The following CAMTA1 variants were observed in gnomAD, a reference collection of about 807,000 sequenced individuals.
The protein encoded by CAMTA1 is calmodulin binding transcription activator 1.
CAMTA1 carries 27 observed loss-of-function variants against 170.9 expected under a neutral mutation model. The observed-to-expected ratio is 0.16, with a 90% confidence interval of 0.12 to 0.22. The LOEUF is 0.22. Among genes scored for constraint, CAMTA1 ranks in the 10% least tolerant of loss-of-function variants. The pLI is 1.00. For missense variants in CAMTA1, 1,619 were observed against 2,217.2 expected, an observed-to-expected ratio of 0.73 and a Z score of 5.42; for synonymous variants, 833 against 891.5, an observed-to-expected ratio of 0.93 and a Z score of 1.17.
At chr1:7,150,545 A>C (rs1646512878) in intron 4 of CAMTA1, among the ~76,000 whole-genome samples, 1 of 151,982 alleles carries the variant, frequency 6.6e-6, no homozygotes, top group Non-Finnish European at 1.5e-5. Context: ...AGCATGTTGA[A>C]CAGCATCCCT....
At chr1:6,857,025 G>T (rs1662686575) in intron 3 of CAMTA1, among the ~76,000 whole-genome samples, 1 of 152,168 alleles carries the variant, frequency 6.6e-6, no homozygotes, top group African/African-American at 2.4e-5. Context: ...TCCCTGTGAA[G>T]GGTTGCCCGT....
In CAMTA1 at chr1:7,310,721, TC is replaced by T. The variant is rs1344335941; in HGVS notation, c.438+61096del. Among the ~76,000 whole-genome samples the T allele has an allele frequency of 6.7e-4, 63 of 94,682 alleles. 5 individuals are homozygous for T. The highest frequency in any genetic ancestry group is 5.4e-3 in the Middle Eastern group (1 of 186). 62.1% of individuals were successfully genotyped at this position (94,682 alleles called of 152,430 possible). A position where few individuals can be genotyped will look rare whatever the true frequency, so the allele number is the denominator to read the frequency against. Reference sequence around the variant, plus strand: ...CTCTCTCTTTCTTTCTTTCTTTCTTTCTTTCTTTCTTTCTTTCTTTCTTTTT... The same window carrying T: ...CTCTCTCTTTCTTTCTTTCTTTCTTTTTTCTTTCTTTCTTTCTTTCTTTTT... On this transcript the variant is annotated intron_variant, in intron 5 of 22. Transcript: ENST00000303635.
intron 5 of CAMTA1, among the ~76,000 whole-genome samples, chr1:7,332,179 ACT>A (rs759031767): frequency 1.1e-4 from 17 of 152,126 alleles, no homozygotes; most frequent in Non-Finnish European, 2.4e-4. Flanking sequence ...TCTGCCAGTC[ACT>A]CTGAGTTCCC....
rs1031494164 is a variant in CAMTA1, at chr1:7,665,511, C to G, written c.2652+312C>G. Among the ~76,000 whole-genome samples the G allele has an allele frequency of 2.0e-5, 3 of 151,980 alleles. No homozygotes were observed. The highest frequency in any genetic ancestry group is 7.3e-5 in the African/African-American group (3 of 41,358). ...GGAGGATCATCTGAGCCAAGGAGTTCCAAACCAACCTGGGCAACGTAGTGA... is the reference window on the plus strand; with the variant it reads ...GGAGGATCATCTGAGCCAAGGAGTTGCAAACCAACCTGGGCAACGTAGTGA... On this transcript the variant is annotated intron_variant, in intron 9 of 22. Transcript: ENST00000303635. This position sits in a 1 kb window ranked among gnomAD's most constrained non-coding sequence, Gnocchi z 4.3.
In CAMTA1 at chr1:7,251,276, A is replaced by G. The variant is rs1312471792; in HGVS notation, c.438+1650A>G. Among the ~76,000 whole-genome samples the G allele has an allele frequency of 1.3e-5, 2 of 152,310 alleles. No individual in the cohort carries two copies. The highest frequency in any genetic ancestry group is 2.9e-5 in the Non-Finnish European group (2 of 68,012). ...CCCACAGTGTTCGTTTTCTTTCCTCATGTTATAAATTAGAGTTGTCACTGG... is the reference window on the plus strand; with the variant it reads ...CCCACAGTGTTCGTTTTCTTTCCTCGTGTTATAAATTAGAGTTGTCACTGG... On this transcript the variant is annotated intron_variant, in intron 5 of 22. Transcript: ENST00000303635. This position sits in a 1 kb window ranked among gnomAD's most constrained non-coding sequence, Gnocchi z 5.1.
chr1:7,137,620 C>T (rs1645617938), intron 4 of CAMTA1, among the ~76,000 whole-genome samples: 1 of 152,208 alleles, frequency 6.6e-6, no homozygotes, highest in Non-Finnish European at 1.5e-5. Context: ...TCCTGCTGGC[C>T]TGCTCTGCTC....
intron 3 of CAMTA1, among the ~76,000 whole-genome samples, chr1:6,920,268 A>T (rs1331215304): frequency 1.3e-5 from 2 of 152,226 alleles, no homozygotes; most frequent in Admixed American, 6.5e-5. Context: ...GAAATCCAGC[A>T]GGGCAGTCAA....
At position 7,333,680 on chromosome 1, in the gene CAMTA1, C is replaced by T. The variant is rs1444257542; in HGVS notation, c.438+84054C>T. Among the ~76,000 whole-genome samples the T allele has an allele frequency of 6.6e-6, 1 of 152,194 alleles. No homozygotes were observed. The highest frequency in any genetic ancestry group is 1.9e-4 in the East Asian group (1 of 5,200). ...CAGCCTCCGCCATGTTGCAGATTCT[C>T]CAATAAGCATCCCGGTGATCTGTGT... On this transcript the variant is annotated intron_variant, in intron 5 of 22. Transcript: ENST00000303635. This position sits in a 1 kb window ranked among gnomAD's most constrained non-coding sequence, Gnocchi z 4.4.
chr1:7,393,182 T>A (rs977833933), intron 5 of CAMTA1, among the ~76,000 whole-genome samples: 5 of 152,236 alleles, frequency 3.3e-5, no homozygotes, highest in Admixed American at 6.5e-5. Flanking sequence ...TAATGACTGA[T>A]GTTTTTTCAT....
intron 6 of CAMTA1, among the ~76,000 whole-genome samples, chr1:7,613,762 C>T (rs57667170): frequency 2.4e-3 from 297 of 121,910 alleles, no homozygotes; most frequent in African/African-American, 9.3e-3. Flanking sequence ...GTAGGGGGAG[C>T]AGGCGGGACC....
chr1:6,804,905 A>G (rs1644341733), intron 1 of CAMTA1, among the ~76,000 whole-genome samples: 1 of 152,144 alleles, frequency 6.6e-6, no homozygotes, highest in Non-Finnish European at 1.5e-5. Flanking sequence ...GATATATACC[A>G]CATTTTGTTT....
At chr1:7,705,313 C>A (rs1395188782) in intron 11 of CAMTA1, among the ~76,000 whole-genome samples, 2 of 149,054 alleles carry the variant, frequency 1.3e-5, no homozygotes, top group African/African-American at 5.0e-5. Flanking sequence ...TGTCGACGCC[C>A]GAGCCTGCGT....
At chr1:7,586,928 GT>G (rs2095314979) in intron 6 of CAMTA1, among the ~76,000 whole-genome samples, 1 of 151,996 alleles carries the variant, frequency 6.6e-6, no homozygotes, top group Non-Finnish European at 1.5e-5. Context: ...TAGGGGAGGG[GT>G]TGTGCCACTC....
intron 4 of CAMTA1, among the ~76,000 whole-genome samples, chr1:7,186,889 G>T (rs1653404986): frequency 6.6e-6 from 1 of 152,112 alleles, no homozygotes; most frequent in South Asian, 2.1e-4. Context: ...TGCAGTTCAG[G>T]AGTCTTCCCG....
intron 6 of CAMTA1, among the ~76,000 whole-genome samples, chr1:7,473,998 G>A (rs1365394898): frequency 6.6e-6 from 1 of 152,238 alleles, no homozygotes; most frequent in Non-Finnish European, 1.5e-5. Context: ...GCCCCTGCCT[G>A]CTGCAACCAC....
intron 5 of CAMTA1, among the ~76,000 whole-genome samples, chr1:7,352,219 A>G (rs1179608878): frequency 6.7e-6 from 1 of 150,256 alleles, no homozygotes; most frequent in Non-Finnish European, 1.5e-5. Context: ...GGAGAGAGAA[A>G]CGGCTCCTGG....
At chr1:7,508,508 C>T (rs2094153874) in intron 6 of CAMTA1, among the ~76,000 whole-genome samples, 1 of 152,236 alleles carries the variant, frequency 6.6e-6, no homozygotes, top group Admixed American at 6.5e-5. Context: ...TGCTTTCATG[C>T]ATCTGCGTGT....
At chr1:7,483,068 T>C (rs2093563344) in intron 6 of CAMTA1, among the ~76,000 whole-genome samples, 1 of 152,104 alleles carries the variant, frequency 6.6e-6, no homozygotes, top group South Asian at 2.1e-4. Context: ...GCATTCAATA[T>C]GTCTCAGCCT....
intron 5 of CAMTA1, among the ~76,000 whole-genome samples, chr1:7,272,692 CAAAAAAAAA>C (rs371588178): frequency 1.0e-4 from 4 of 38,802 alleles, no homozygotes; most frequent in Non-Finnish European, 1.4e-4. Context: ...TAAACACATG[CAAAAAAAAA>C]AAAAAAAAAA....
Sources: gnomAD v4.1 joint callset for allele counts (sites outside exome capture counted in the v4.1 genomes callset) on GRCh38, gnomAD v4.1.1 for gene constraint, Gnocchi (gnomAD v3.1) non-coding constraint, MANE v1.5 for transcripts, NCBI Gene and HGNC (gene_info 2026-07-23, HGNC 2026-07-21) for gene names.